DNAH7: variants seen among roughly 807,000 people sequenced by gnomAD.
DNAH7 encodes dynein axonemal heavy chain 7.
Under a neutral mutation model 444.6 loss-of-function variants are expected in DNAH7, and 397 were observed. The observed-to-expected ratio is 0.89, with a 90% CI of 0.82 to 0.97. DNAH7 has a LOEUF of 0.97. DNAH7 is among the 50% of genes least tolerant of loss of function. The pLI is 0.00. For synonymous variants in DNAH7, 1,636 were observed against 1,624.4 expected (o/e 1.01, Z -0.17); for missense variants, 4,902 against 4,800.8 (o/e 1.02, Z -0.62).
chr2:195,946,968 A>G (rs1689852811), intron 19 of DNAH7, among the ~76,000 whole-genome samples: 1 of 152,112 alleles, frequency 6.6e-6, no homozygotes, highest in African/African-American at 2.4e-5. Context: ...AAGATCAATA[A>G]GGGAGCCTCT....
chr2:195,975,179 A>G (rs75370350), intron 15 of DNAH7, among the ~76,000 whole-genome samples: 1,712 of 152,300 alleles, frequency 0.011, 35 homozygotes, highest in East Asian at 0.071. Context: ...TATTAACTTC[A>G]TATTACTGAA....
chr2:195,858,571 G>A lies in DNAH7; in HGVS notation c.7970C>T (p.Ala2657Val). Residue 2657 changes from alanine (A) to valine (V), a missense_variant, in exon 43 of 65, where the codon GCT becomes GTT. By Grantham distance (64) the Ala-to-Val change is moderately conservative. Transcript: ENST00000312428. ...GCACTCATCTTTGATGGCTTTGGAA[G>A]CCATAGCTTGTTCATTCGCTATTGT... ...DETIANEQAM[A>V]SKAIKDECDA... is the part of the protein sequence containing the mutation. 1 of 1,613,964 alleles carries A rather than the reference G, an allele frequency of 6.2e-7. No individual in the cohort carries two copies. Among genetic ancestry groups the A allele is most frequent in the Non-Finnish European group, 8.5e-7 (1 of 1,179,946 alleles).
chr2:195,988,755 T>G (rs947840227), intron 12 of DNAH7, among the ~76,000 whole-genome samples: 1 of 152,148 alleles, frequency 6.6e-6, no homozygotes, highest in Non-Finnish European at 1.5e-5. Flanking sequence ...ATAGTCACCC[T>G]AATGTGCAAT....
intron 15 of DNAH7, among the ~76,000 whole-genome samples, chr2:195,979,247 C>T (rs963355293): frequency 6.6e-6 from 1 of 151,916 alleles, no homozygotes; most frequent in Admixed American, 6.6e-5. Flanking sequence ...TTAAAACTTT[C>T]AAAAAATTGA....
intron 43 of DNAH7, among the ~76,000 whole-genome samples, chr2:195,858,103 A>G (rs2125065623): frequency 6.6e-6 from 1 of 152,300 alleles, no homozygotes; most frequent in East Asian, 1.9e-4. Context: ...CACATGCTCT[A>G]TAAGATGTAT....
chr2:195,974,922 T>A (rs1692083835), intron 15 of DNAH7, among the ~76,000 whole-genome samples: 1 of 152,206 alleles, frequency 6.6e-6, no homozygotes, highest in South Asian at 2.1e-4. Context: ...GAATGATTTT[T>A]AAAAATACAT....
At position 196,012,853 on chromosome 2, in the gene DNAH7, T is replaced by G; in HGVS notation, c.923A>C (p.Glu308Ala). ...GATAATGTTCTGAAAACTTGACAGC[T>G]CTAATGCATCCTGGCAATTATGAAA... ...KEFHNCQDAL[E>A]LSSFQNIIMR... Residue 308 changes from glutamate to alanine, a missense_variant, in exon 10 of 65, where the codon GAG becomes GCG. By Grantham distance (107) the Glu-to-Ala change is moderately radical. Coordinates refer to ENST00000312428, the MANE Select transcript of DNAH7 (RefSeq NM_018897.3). 1.3e-5 allele frequency: 21 copies of G among 1,558,672 alleles called. No homozygotes were observed. Among genetic ancestry groups the G allele is most frequent in the Non-Finnish European group, 1.8e-5 (21 of 1,154,680 alleles).
At chr2:195,797,919 C>T (rs930156131) in intron 55 of DNAH7, among the ~76,000 whole-genome samples, 3 of 152,184 alleles carry the variant, frequency 2.0e-5, no homozygotes, top group Non-Finnish European at 4.4e-5. Flanking sequence ...TCCAATGCTT[C>T]TTCAACAAAT....
chr2:195,799,283 T>A lies in DNAH7; in HGVS notation c.10353+13A>T. 6.7e-7 allele frequency: 1 copy of A among 1,493,292 alleles called. No homozygotes were observed. The highest frequency in any genetic ancestry group is 1.4e-5 in the South Asian group (1 of 69,418). The allele number at this position is 1,493,292 out of a possible 1,614,324, so 92.5% of individuals were successfully genotyped here. ...TAAAATAATATCCGATAACTTCATC[T>A]ATTGTAAGGTACCTGGTCATCAGCA... On this transcript the variant is annotated intron_variant, in intron 55 of 64. Transcript: ENST00000312428.
rs763320991 is a variant in DNAH7 at position 195,864,260 on chromosome 2, G to T, written c.7395C>A (p.Cys2465Ter). The T allele has an allele frequency of 9.3e-6, 15 of 1,614,038 alleles. No individual in the cohort carries two copies. The East Asian group carries it at 2.5e-4, about 26-fold the overall frequency. ...IALFNMFIDH[C>*]RSQLHVVLAM... is the part of the protein sequence containing the mutation. The stretch of plus-strand genomic sequence containing the variant: ...CAAGGACCACATGCAGTTGGCTGCG[G>T]CAATGATCAATAAACATGTTGAAAA... The change falls in exon 41 of 65, where the codon TGC (cysteine) becomes TGA (stop). Residue 2465 changes from cysteine to a stop codon, truncating the protein, a stop_gained. Coordinates refer to ENST00000312428, the MANE Select transcript of DNAH7 (RefSeq NM_018897.3). LOFTEE classifies it high-confidence loss of function.
chr2:195,867,077 T>C (rs1473185197), intron 40 of DNAH7, among the ~76,000 whole-genome samples: 1 of 152,196 alleles, frequency 6.6e-6, no homozygotes, highest in African/African-American at 2.4e-5. Flanking sequence ...TTGCCCAGTC[T>C]CGGGTATGTC....
intron 27 of DNAH7, chr2:195,905,424 A>T (rs575609879): frequency 6.6e-6 from 1 of 152,292 alleles, no homozygotes; most frequent in East Asian, 1.9e-4. Context: ...GACTTAACAT[A>T]TAAAGGGGCA....
intron 53 of DNAH7, among the ~76,000 whole-genome samples, chr2:195,808,100 T>C (rs1013584698): frequency 1.3e-5 from 2 of 151,910 alleles, no homozygotes; most frequent in African/African-American, 4.8e-5. Context: ...AACAAAGGAA[T>C]AGAAAAAATT....
intron 28 of DNAH7, among the ~76,000 whole-genome samples, chr2:195,900,058 C>T (rs1311193519): frequency 6.6e-6 from 1 of 151,990 alleles, no homozygotes; most frequent in African/African-American, 2.4e-5. Context: ...GGTAGTACCC[C>T]GTTAATGAAA....
chr2:195,999,596 G>A (rs183137782), intron 12 of DNAH7, among the ~76,000 whole-genome samples: 70 of 152,114 alleles, frequency 4.6e-4, no homozygotes, highest in African/African-American at 1.5e-3. Context: ...TGGTAGTATC[G>A]CATACAGAGT....
At chr2:195,849,425 T>C (rs1355694057) in intron 46 of DNAH7, among the ~76,000 whole-genome samples, 3 of 152,164 alleles carry the variant, frequency 2.0e-5, no homozygotes, top group Non-Finnish European at 4.4e-5. Context: ...GTGAAGATCA[T>C]AGGGGCCAAA....
chr2:195,737,750 T>A lies in DNAH7; in HGVS notation c.*171A>T, dbSNP rs993634790. 6.8e-6 allele frequency: 4 copies of A among 589,526 alleles called. No individual in the cohort carries two copies. The highest frequency in any genetic ancestry group is 2.9e-5 in the East Asian group (1 of 34,724). 36.5% of individuals were successfully genotyped at this position (589,526 alleles called of 1,614,324 possible). Reference sequence around the variant, plus strand: ...TTTATTTCAGAACATTTCCTTACATTTAAGTATGAGTCATATTAAGTTTAG... The same window carrying A: ...TTTATTTCAGAACATTTCCTTACATATAAGTATGAGTCATATTAAGTTTAG... On this transcript the variant is annotated 3_prime_UTR_variant, in exon 65 of 65. Transcript: ENST00000312428.
chr2:196,057,592 T>C (rs1697887400), intron 2 of DNAH7, among the ~76,000 whole-genome samples: 1 of 152,206 alleles, frequency 6.6e-6, no homozygotes, highest in Non-Finnish European at 1.5e-5. Context: ...GATCATACAC[T>C]TAAAATTTTC....
At chr2:195,802,859 C>T (rs1489949837) in intron 54 of DNAH7, among the ~76,000 whole-genome samples, 1 of 152,110 alleles carries the variant, frequency 6.6e-6, no homozygotes, top group Non-Finnish European at 1.5e-5. Context: ...CCTGCCACAC[C>T]CTTCACCCTT....
Sources: allele counts gnomAD v4.1 joint callset (sites outside exome capture counted in the v4.1 genomes callset), GRCh38; gene constraint gnomAD v4.1.1; transcripts MANE v1.5; gene names NCBI Gene and HGNC (gene_info 2026-07-23, HGNC 2026-07-21).